The following YEATS2 variants were observed in gnomAD, a reference collection of about 807,000 sequenced individuals.
YEATS2 encodes the protein YEATS domain-containing protein 2.
YEATS2 carries 77 observed loss-of-function variants against 163.2 expected under a neutral mutation model. The observed-to-expected ratio is 0.47, with a 90% CI of 0.39 to 0.57. The LOEUF (loss-of-function observed/expected upper bound fraction) is 0.57, where lower values mean the gene tolerates loss of function less well. Ranked by LOEUF, YEATS2 falls within the 20% of genes least tolerant of loss-of-function variation. The probability of loss-of-function intolerance (pLI) is 0.00; values close to 1 mark genes in which losing one functional copy is unlikely to be tolerated. For missense variants in YEATS2, 1,549 were observed against 1,729.8 expected, an observed-to-expected ratio of 0.90 and a Z score of 1.85; for synonymous variants, 631 against 645.1, an observed-to-expected ratio of 0.98 and a Z score of 0.33.
At chr3:183,747,846 C>G in intron 9 of YEATS2, 130 bp downstream of exon 9, 2 of 675,752 alleles carry the variant, frequency 3.0e-6, no homozygotes, top group Non-Finnish European at 2.5e-6. Flanking sequence ...GTGGCATGAT[C>G]TCGGCTCACT....
At position 183,762,230 on chromosome 3, in the gene YEATS2, T is replaced by G; in HGVS notation, c.1898T>G (p.Ile633Arg). The G allele has an allele frequency of 6.2e-7, 1 of 1,613,270 alleles. No individual in the cohort carries two copies. The highest frequency in any genetic ancestry group is 8.5e-7 in the Non-Finnish European group (1 of 1,179,260). Residue 633 changes from isoleucine (I) to arginine (R), a missense_variant, in exon 15 of 31, where the codon ATA (isoleucine) becomes AGA (arginine). Transcript: ENST00000305135. ...MIAVSPQKQV[I>R]TPGEGIAQSA... ...GCTGTGTCCCCTCAAAAACAGGTCA[T>G]AACTCCTGGAGAAGGGATTGCCCAG...
At chr3:183,803,217 A>G (rs1318619388) in intron 25 of YEATS2, 39 bp from the exon 26 acceptor site, 1 of 1,595,362 alleles carries the variant, frequency 6.3e-7, no homozygotes, top group Non-Finnish European at 8.6e-7. Flanking sequence ...TGGAATCGTA[A>G]GAGCTTTATT....
At chr3:183,728,258 T>C (rs1313916751) in intron 6 of YEATS2, among the ~76,000 whole-genome samples, 2 of 152,140 alleles carry the variant, frequency 1.3e-5, no homozygotes, top group African/African-American at 4.8e-5. Context: ...GGTGGGATGA[T>C]TGTAGTTGTA....
intron 2 of YEATS2, among the ~76,000 whole-genome samples, chr3:183,716,560 G>A (rs1004332296): frequency 1.3e-5 from 2 of 152,076 alleles, no homozygotes; most frequent in African/African-American, 4.8e-5. Context: ...AATTTTAGAG[G>A]AAATACCGTT....
chr3:183,786,126 C>T lies in YEATS2; in HGVS notation c.2738C>T (p.Ala913Val), dbSNP rs769948328. The change falls in exon 20 of 31, where the codon GCA (alanine) becomes GTA (valine). Residue 913 changes from alanine to valine, a missense_variant and splice_region_variant. Ala to Val is a moderately conservative substitution (Grantham distance 64). Coordinates refer to ENST00000305135, the MANE Select transcript of YEATS2 (RefSeq NM_018023.5). Reference sequence around the variant, plus strand: ...TTTCTGCCCATCTTGTTTCTGCAGGCAGCCCATGGAGGACAGGCATCTCTA... The same window carrying T: ...TTTCTGCCCATCTTGTTTCTGCAGGTAGCCCATGGAGGACAGGCATCTCTA... The part of the protein sequence containing the change: ...SGQKTTLFTQ[A>V]AHGGQASLMK... The T allele has an allele frequency of 4.3e-6, 7 of 1,609,930 alleles. No homozygotes were observed. Among genetic ancestry groups the T allele is most frequent in the South Asian group, 2.2e-5 (2 of 90,894 alleles).
At chr3:183,753,368 G>A in intron 10 of YEATS2, among the ~76,000 whole-genome samples, 1 of 152,282 alleles carries the variant, frequency 6.6e-6, no homozygotes, top group Non-Finnish European at 1.5e-5. Context: ...ATATTTTAAT[G>A]TGGTTAGTAT....
intron 1 of YEATS2, among the ~76,000 whole-genome samples, chr3:183,702,893 G>T (rs1714256672): frequency 6.6e-6 from 1 of 152,052 alleles, no homozygotes; most frequent in East Asian, 1.9e-4. Context: ...TGCATTAATG[G>T]AGAGAAGCAG....
intron 1 of YEATS2, among the ~76,000 whole-genome samples, chr3:183,698,791 A>G (rs2108942158): frequency 6.6e-6 from 1 of 152,290 alleles, no homozygotes; most frequent in African/African-American, 2.4e-5. Context: ...ATTATATAGA[A>G]TTCAGCAATA....
At chr3:183,754,430 A>C in intron 11 of YEATS2, 65 bp downstream of exon 11, 1 of 1,532,184 alleles carries the variant, frequency 6.5e-7, no homozygotes. Context: ...TTGGAACAAC[A>C]AAACAAAATA....
chr3:183,772,655 A>AG, intron 16 of YEATS2, 92 bp downstream of exon 16: 1 of 1,503,128 alleles, frequency 6.7e-7, no homozygotes, highest in South Asian at 1.2e-5. Context: ...GATCTGGTCT[A>AG]GGAAAGCCTA....
At chr3:183,767,860 A>G (rs1028082308) in intron 15 of YEATS2, among the ~76,000 whole-genome samples, 1 of 152,162 alleles carries the variant, frequency 6.6e-6, no homozygotes, top group Admixed American at 6.5e-5. Context: ...TACGTGTCAT[A>G]TCCTGAAAAC....
chr3:183,802,955 C>T (rs1287450190), intron 25 of YEATS2: 8 of 291,524 alleles, frequency 2.7e-5, no homozygotes, highest in Admixed American at 9.6e-5. Context: ...GAGTTAATGG[C>T]GGGTCCAGGG....
At position 183,790,965 on chromosome 3, in the gene YEATS2, A is replaced by G; in HGVS notation, c.3082A>G (p.Lys1028Glu). 6.2e-7 allele frequency: 1 copy of G among 1,613,890 alleles called. No individual in the cohort carries two copies. Among genetic ancestry groups the G allele is most frequent in the Non-Finnish European group, 8.5e-7 (1 of 1,179,814 alleles). The change falls in exon 21 of 31, where the codon AAA (lysine) becomes GAA (glutamate). Residue 1028 changes from lysine (K) to glutamate (E), a missense_variant. By Grantham distance (56) the Lys-to-Glu change is moderately conservative. Coordinates refer to ENST00000305135, the MANE Select transcript of YEATS2 (RefSeq NM_018023.5). The stretch of plus-strand genomic sequence containing the variant: ...GCCTACACCAAACCCCATCTCTGGG[A>G]AAGCCACAGTATCCGGTGAGTTGCA... ...LVPTPNPISG[K>E]ATVSGLLKIH...
At chr3:183,786,577 A>G (rs1354049767) in intron 20 of YEATS2, among the ~76,000 whole-genome samples, 2 of 151,922 alleles carry the variant, frequency 1.3e-5, no homozygotes, top group Non-Finnish European at 2.9e-5. Context: ...ATCAGCAGTC[A>G]CTCCCATTCC....
intron 15 of YEATS2, among the ~76,000 whole-genome samples, chr3:183,764,668 G>A (rs746843690): frequency 2.0e-5 from 3 of 151,588 alleles, no homozygotes; most frequent in African/African-American, 4.8e-5. Context: ...TTATTTGGGC[G>A]TGGTGGCGGG....
intron 16 of YEATS2, among the ~76,000 whole-genome samples, chr3:183,772,792 C>CACACAT (rs1482617739): frequency 1.3e-5 from 2 of 152,034 alleles, no homozygotes; most frequent in East Asian, 3.9e-4. Context: ...CATACACACA[C>CACACAT]ACACACGAAC....
At chr3:183,768,818 C>G (rs1422492593) in intron 15 of YEATS2, among the ~76,000 whole-genome samples, 1 of 152,100 alleles carries the variant, frequency 6.6e-6, no homozygotes, top group Non-Finnish European at 1.5e-5. Context: ...ACTAAAAATA[C>G]AAAATTAGCC....
At chr3:183,789,800 A>G (rs1447306451) in intron 20 of YEATS2, among the ~76,000 whole-genome samples, 1 of 151,866 alleles carries the variant, frequency 6.6e-6, no homozygotes, top group Non-Finnish European at 1.5e-5. Flanking sequence ...TGGCCTCCCA[A>G]AGTGCTGGGA....
In YEATS2 at chr3:183,803,239, G is replaced by C. The variant is rs1725862732; in HGVS notation, c.3503-17G>C. 1.2e-6 allele frequency: 2 copies of C among 1,610,434 alleles called. No homozygotes were observed. On this transcript the variant is annotated splice_polypyrimidine_tract_variant and intron_variant, in intron 25 of 30. Coordinates refer to ENST00000305135, the MANE Select transcript of YEATS2 (RefSeq NM_018023.5). The stretch of plus-strand genomic sequence containing the variant: ...GTAAGAGCTTTATTCAGGCTTTGCT[G>C]GGTGTGTGCATTCTAGGTGAAGATG...
Sources: allele counts gnomAD v4.1 joint callset (sites outside exome capture counted in the v4.1 genomes callset), GRCh38; gene constraint gnomAD v4.1.1; transcripts MANE v1.5; gene names NCBI Gene and HGNC (gene_info 2026-07-23, HGNC 2026-07-21).